MEIOB: variants seen among roughly 807,000 people sequenced by gnomAD.
The protein encoded by MEIOB is meiosis specific with OB-fold, also known as meiosis-specific with OB domain-containing protein.
MEIOB carries 50 observed loss-of-function variants against 53.1 expected under a neutral mutation model. That is an observed-to-expected ratio of 0.94 (90% CI 0.75 to 1.19). The LOEUF (loss-of-function observed/expected upper bound fraction) is 1.19. MEIOB is among the 50% of genes most tolerant of loss of function. The pLI is 0.00. For synonymous variants in MEIOB, 192 were observed against 182.5 expected (o/e 1.05, Z -0.42); for missense variants, 551 against 550.8 (o/e 1.00, Z 0.00).
At chr16:1,842,102 CT>C (rs1026077452) in intron 10 of MEIOB, 129 bp from the exon 11 acceptor site, 1 of 504,166 alleles carries the variant, frequency 2.0e-6, no homozygotes, top group Admixed American at 4.2e-5. Flanking sequence ...ACTATGTTGG[CT>C]ATATAAACAC....
chr16:1,840,184 A>G (rs901000521), intron 11 of MEIOB: 1 of 152,218 alleles, frequency 6.6e-6, no homozygotes, highest in Admixed American at 6.5e-5. Context: ...CTCAGATATC[A>G]ATAATAAATG....
At chr16:1,867,658 G>C (rs907033639) in intron 2 of MEIOB, among the ~76,000 whole-genome samples, 10 of 151,772 alleles carry the variant, frequency 6.6e-5, no homozygotes, top group Admixed American at 1.3e-4. Context: ...TTTTAGTAGA[G>C]ATGGGGTTTC....
chr16:1,844,799 A>C (rs1898990149), intron 10 of MEIOB, 63 bp downstream of exon 10: 9 of 766,628 alleles, frequency 1.2e-5, no homozygotes, highest in African/African-American at 1.8e-5. Context: ...CATGTCAAAC[A>C]AACCTTTACA....
chr16:1,842,929 T>G (rs1467469475), intron 10 of MEIOB, among the ~76,000 whole-genome samples: 1 of 149,186 alleles, frequency 6.7e-6, no homozygotes, highest in Non-Finnish European at 1.5e-5. Flanking sequence ...CCCAAAGTGC[T>G]GGGATTACAG....
At chr16:1,852,562 GTTT>G (rs796889434) in intron 9 of MEIOB, among the ~76,000 whole-genome samples, 1 of 142,804 alleles carries the variant, frequency 7.0e-6, no homozygotes, top group South Asian at 2.2e-4. Context: ...CGCCAGCCTT[GTTT>G]TTTTTTTAAG....
chr16:1,863,527 C>T (rs1899508741), intron 3 of MEIOB, among the ~76,000 whole-genome samples: 1 of 151,942 alleles, frequency 6.6e-6, no homozygotes. Context: ...GCTGGGACTA[C>T]AGGCGCCTGC....
intron 3 of MEIOB, among the ~76,000 whole-genome samples, chr16:1,863,159 C>A (rs1899490302): frequency 6.6e-6 from 1 of 151,916 alleles, no homozygotes; most frequent in South Asian, 2.1e-4. Flanking sequence ...TTTAAGTGTG[C>A]GGTGAGCTTT....
chr16:1,869,735 G>C (rs1401115924), intron 1 of MEIOB, among the ~76,000 whole-genome samples: 2 of 152,094 alleles, frequency 1.3e-5, no homozygotes, highest in Non-Finnish European at 2.9e-5. Context: ...ACAGGCATGA[G>C]CCACCACGCC....
intron 9 of MEIOB, among the ~76,000 whole-genome samples, chr16:1,847,356 G>C (rs1222466863): frequency 6.6e-6 from 1 of 151,900 alleles, no homozygotes; most frequent in African/African-American, 2.4e-5. Flanking sequence ...CAGCTACTTG[G>C]GGGGCTGAGA....
In MEIOB at chr16:1,862,040, C is replaced by G. The variant is rs1459126194; in HGVS notation, c.204G>C (p.Trp68Cys). Residue 68 changes from tryptophan (W) to cysteine (C), a missense_variant, in exon 4 of 14, where the codon TGG becomes TGC. By Grantham distance (215) the Trp-to-Cys change is radical. Coordinates refer to ENST00000325962, the MANE Select transcript of MEIOB (RefSeq NM_001163560.3). ...SPAHFVNAAS[W>C]GNEDYIKSLS... ...GAGACTTGATGTAATCTTCATTGCC[C>G]CAGGAAGCTGCATTTACAAAATGTG... is the stretch of plus-strand genomic sequence containing the variant. The G allele has an allele frequency of 6.4e-7, 1 of 1,551,378 alleles. No individual in the cohort carries two copies. Among genetic ancestry groups the G allele is most frequent in the Non-Finnish European group, 8.7e-7 (1 of 1,146,816 alleles).
At chr16:1,863,261 G>A (rs375845151) in intron 3 of MEIOB, among the ~76,000 whole-genome samples, 2 of 151,788 alleles carry the variant, frequency 1.3e-5, no homozygotes, top group Non-Finnish European at 2.9e-5. Flanking sequence ...GCGATCTCTC[G>A]GCTCACTGCA....
rs1898680895 is a variant in MEIOB, at chr16:1,834,325, A to G, written c.1347T>C (p.Ser449=). The change falls in exon 14 of 14, where the codon AGT becomes AGC. Residue 449 remains serine (S), a synonymous_variant. Transcript: ENST00000325962. ...SHRARSGLKI[S]VLSCKLADPT... ...GATCTGCAAGCTTGCACGAGAGTACACTAATTTTCAATCCACTCCTTGCTC... is the reference window on the plus strand; with the variant it reads ...GATCTGCAAGCTTGCACGAGAGTACGCTAATTTTCAATCCACTCCTTGCTC... 1.9e-6 allele frequency: 3 copies of G among 1,613,112 alleles called. No individual in the cohort carries two copies. The highest frequency in any genetic ancestry group is 2.2e-5 in the East Asian group (1 of 44,872).
At chr16:1,835,716 C>T (rs1898726274) in intron 13 of MEIOB, among the ~76,000 whole-genome samples, 1 of 152,188 alleles carries the variant, frequency 6.6e-6, no homozygotes, top group South Asian at 2.1e-4. Context: ...ATTCGAATGA[C>T]CCTGCTCATG....
intron 10 of MEIOB, among the ~76,000 whole-genome samples, chr16:1,844,410 T>C (rs12599335): frequency 0.18 from 27,093 of 151,772 alleles, 2,580 homozygotes; most frequent in South Asian, 0.27. Context: ...AGGCGTGAGC[T>C]ACCACACCTG....
intron 9 of MEIOB, among the ~76,000 whole-genome samples, chr16:1,849,545 C>CAAAAAA (rs373210979): frequency 2.5e-5 from 2 of 79,210 alleles, no homozygotes; most frequent in South Asian, 4.9e-4. Context: ...GACTCCGTCT[C>CAAAAAA]AAAAAAAAAA....
chr16:1,862,593 C>T (rs1254360874), intron 3 of MEIOB, among the ~76,000 whole-genome samples: 2 of 152,194 alleles, frequency 1.3e-5, no homozygotes, highest in South Asian at 2.1e-4. Context: ...GCTCTCCAGC[C>T]TGGGCAACAG....
chr16:1,851,031 T>C (rs373199324), intron 9 of MEIOB, among the ~76,000 whole-genome samples: 40 of 152,322 alleles, frequency 2.6e-4, no homozygotes, highest in East Asian at 1.9e-3. Flanking sequence ...GTGTTGATAA[T>C]AGACTATCGT....
chr16:1,834,343 C>G lies in MEIOB; in HGVS notation c.1329G>C (p.Arg443Ser), dbSNP rs1898681569. The change falls in exon 14 of 14, where the codon AGG (arginine) becomes AGC (serine). Residue 443 changes from arginine (R) to serine (S), a missense_variant. Arg to Ser is a moderately radical substitution (Grantham distance 110). Transcript: ENST00000325962. The part of the protein sequence containing the change: ...YLKFVLSHRA[R>S]SGLKISVLSC... ...AGAGTACACTAATTTTCAATCCACT[C>G]CTTGCTCTGTGTGATAGAACGAACT... The G allele has an allele frequency of 6.2e-7, 1 of 1,610,166 alleles. No individual in the cohort carries two copies.
intron 10 of MEIOB, among the ~76,000 whole-genome samples, chr16:1,842,436 G>A (rs112730167): frequency 0.047 from 6,595 of 138,912 alleles, 468 homozygotes; most frequent in African/African-American, 0.16. Context: ...CCAACATGGA[G>A]AAACACTGTC....
Sources: allele counts gnomAD v4.1 joint callset (sites outside exome capture counted in the v4.1 genomes callset), GRCh38; gene constraint gnomAD v4.1.1; transcripts MANE v1.5; gene names NCBI Gene and HGNC (gene_info 2026-07-23, HGNC 2026-07-21).